The following ABCA9 variants were observed in gnomAD, a reference collection of about 807,000 sequenced individuals.
The protein encoded by ABCA9 is ATP binding cassette subfamily A member 9.
In ABCA9, 183 loss-of-function variants were observed where a neutral mutation model predicts 205.3. The observed-to-expected ratio is 0.89, with a 90% CI of 0.79 to 1.01. ABCA9 has a LOEUF of 1.01. Ranked by LOEUF, ABCA9 falls within the 50% of genes least tolerant of loss-of-function variation. The pLI is 0.00. For synonymous variants in ABCA9, 651 were observed against 683.3 expected (o/e 0.95, Z 0.74); for missense variants, 1,805 against 1,912.4 (o/e 0.94, Z 1.05).
chr17:69,044,322 T>A (rs529359482), intron 5 of ABCA9, among the ~76,000 whole-genome samples, 175 bp downstream of exon 5: 1 of 152,218 alleles, frequency 6.6e-6, no homozygotes, highest in Non-Finnish European at 1.5e-5. Context: ...AATGCCTGTG[T>A]TCTACTTATT....
intron 1 of ABCA9, among the ~76,000 whole-genome samples, chr17:69,055,811 G>A (rs1598419136): frequency 1.3e-5 from 2 of 152,124 alleles, no homozygotes; most frequent in Middle Eastern, 3.4e-3. Context: ...ATCATACAAT[G>A]CATGCTCTTG....
the ABCA9 span, among the ~76,000 whole-genome samples, chr17:69,073,342 T>C: frequency 6.6e-6 from 1 of 152,124 alleles, no homozygotes; most frequent in Non-Finnish European, 1.5e-5. Flanking sequence ...ATCGACCACA[T>C]AGTTGGAAGT....
chr17:68,978,813 A>C (rs2068958222), intron 37 of ABCA9, among the ~76,000 whole-genome samples: 1 of 152,172 alleles, frequency 6.6e-6, no homozygotes, highest in South Asian at 2.1e-4. Flanking sequence ...ATCTATGACA[A>C]ACCCACAGCC....
Position 69,051,033 on chromosome 17 carries a change from A to T in ABCA9, c.94T>A (p.Leu32Met), listed in dbSNP as rs769651145. The T allele has an allele frequency of 6.2e-7, 1 of 1,613,502 alleles. No homozygotes were observed. The highest frequency in any genetic ancestry group is 8.5e-7 in the Non-Finnish European group (1 of 1,179,674). The stretch of plus-strand genomic sequence containing the variant: ...AACACATAGACTCTGAAGCATACCA[A>T]CAAGGTCTGTCTTTTCATTCTCCAT... ...KKWRMKRQTL[L>M]EWLFSFLLVL... The change falls in exon 2 of 39, where the codon TTG becomes ATG. Residue 32 changes from leucine to methionine, a missense_variant and splice_region_variant. Coordinates refer to ENST00000340001, the MANE Select transcript of ABCA9 (RefSeq NM_080283.4).
chr17:69,017,772 A>G lies in ABCA9; in HGVS notation c.2785T>C (p.Phe929Leu), dbSNP rs143651746. 2,485 of 1,613,212 alleles carry G rather than the reference A, an allele frequency of 1.5e-3. 3 individuals carry two copies. The highest frequency in any genetic ancestry group is 2.0e-3 in the Non-Finnish European group (2,324 of 1,179,364). The change falls in exon 21 of 39, where the codon TTT becomes CTT. Residue 929 changes from phenylalanine to leucine, a missense_variant. Physicochemically the swap from Phe to Leu is conservative, Grantham distance 22. Transcript: ENST00000340001. The stretch of plus-strand genomic sequence containing the variant: ...TTCTGTCGCCTCAGTGAATGTAAAA[A>G]GTTATCAATGGTTGACCCTACATGA... ...INKTGSTIDN[F>L]LHSLRRQNIA...
chr17:69,052,182 G>T lies in ABCA9; in HGVS notation c.-13-1043C>A. 1.3e-5 allele frequency among the ~76,000 whole-genome samples: 2 copies of T among 152,056 alleles called. 1 individual carries two copies. Among genetic ancestry groups the T allele is most frequent in the South Asian group, 4.1e-4 (2 of 4,822 alleles). ...AGCCAGGAGTTAGAGACTGGCCTGG[G>T]CAACAAAGTGAGACCCCATCTCTAT... On this transcript the variant is annotated intron_variant, in intron 1 of 38. Transcript: ENST00000340001.
At position 69,021,717 on chromosome 17, in the gene ABCA9, CTTTCT is replaced by C. The variant is rs2070815358; in HGVS notation, c.2401+20_2401+24del. On this transcript the variant is annotated intron_variant, in intron 18 of 38. Coordinates refer to ENST00000340001, the MANE Select transcript of ABCA9 (RefSeq NM_080283.4). Reference sequence around the variant, plus strand: ...CCTTCCTTTCTTTCTTTCTCCCTTTCTTTCTCTTTCTTATTTTTTCTTACCTGATT... The same window carrying C: ...CCTTCCTTTCTTTCTTTCTCCCTTTCCTTTCTTATTTTTTCTTACCTGATT... The C allele has an allele frequency of 7.1e-7, 1 of 1,415,748 alleles. No individual in the cohort carries two copies. The highest frequency in any genetic ancestry group is 1.4e-5 in the African/African-American group (1 of 69,634). 87.7% of individuals were successfully genotyped at this position (1,415,748 alleles called of 1,614,324 possible).
In ABCA9 at chr17:68,996,033, A is replaced by G. The variant is rs770331848; in HGVS notation, c.3436-19T>C. The G allele has an allele frequency of 6.2e-7, 1 of 1,609,458 alleles. No individual in the cohort carries two copies. Among genetic ancestry groups the G allele is most frequent in the African/African-American group, 1.3e-5 (1 of 74,792 alleles). ...TGACCACCTAAAACAAATGCACAGT[A>G]TAGCGTCATTAAAGTGTACCAATCT... is the stretch of plus-strand genomic sequence containing the variant. On this transcript the variant is annotated intron_variant, in intron 25 of 38. Transcript: ENST00000340001.
In ABCA9 at chr17:68,978,585, T is replaced by C. The variant is rs531438071; in HGVS notation, c.4721-2395A>G. 7.2e-5 allele frequency among the ~76,000 whole-genome samples: 11 copies of C among 152,342 alleles called. No individual in the cohort carries two copies. The East Asian group carries it at 2.1e-3, about 29-fold the overall frequency. ...CCTCAATGGTCTTTACAATTAGGCA[T>C]GTTTTTGCAGTGGCTGGTACCGGTT... is the stretch of plus-strand genomic sequence containing the variant. On this transcript the variant is annotated intron_variant, in intron 37 of 38. Coordinates refer to ENST00000340001, the MANE Select transcript of ABCA9 (RefSeq NM_080283.4).
At chr17:68,993,277 G>T (rs145916313) in intron 26 of ABCA9, among the ~76,000 whole-genome samples, 193 bp from the exon 27 acceptor site, 124 of 152,300 alleles carry the variant, frequency 8.1e-4, no homozygotes, top group African/African-American at 2.8e-3. Context: ...TCTCTAGGCC[G>T]GGATGCCTTT....
chr17:68,990,793 G>T (rs1360508565), intron 29 of ABCA9, 44 bp downstream of exon 29: 2 of 1,593,548 alleles, frequency 1.3e-6, no homozygotes, highest in Admixed American at 1.9e-5. Context: ...CACTTTATCT[G>T]TCAGAAAAAA....
chr17:69,072,898 G>A, the ABCA9 span, among the ~76,000 whole-genome samples: 1 of 152,162 alleles, frequency 6.6e-6, no homozygotes, highest in African/African-American at 2.4e-5. Context: ...ATGAAGGGAT[G>A]GAGGAATATT....
rs1290470280 is a variant in ABCA9, at chr17:69,020,489, C to T, written c.2499G>A (p.Arg833=). 1 of 1,613,980 alleles carries T rather than the reference C, an allele frequency of 6.2e-7. No individual in the cohort carries two copies. Among genetic ancestry groups the T allele is most frequent in the Admixed American group, 1.7e-5 (1 of 59,988 alleles). The change falls in exon 19 of 39, where the codon AGG becomes AGA. Residue 833 remains arginine, a synonymous_variant. Coordinates refer to ENST00000340001, the MANE Select transcript of ABCA9 (RefSeq NM_080283.4). The part of the protein sequence containing the change: ...EQVLSSFHET[R]KTISGVALWR... Reference sequence around the variant, plus strand: ...AGAGCGCCACGCCACTGATTGTTTTCCTTGTTTCGTGGAAGGAAGACAAAA... The same window carrying T: ...AGAGCGCCACGCCACTGATTGTTTTTCTTGTTTCGTGGAAGGAAGACAAAA...
In ABCA9 at chr17:68,986,123, A is replaced by G. The variant is rs775130480; in HGVS notation, c.4208+41T>C. ...TTTGTGTGTATGTTATTAATACAAC[A>G]TCCCCTCCAGCAAAGGGGAGTGCCC... On this transcript the variant is annotated intron_variant, in intron 32 of 38. Transcript: ENST00000340001. 4 of 1,557,726 alleles carry G rather than the reference A, an allele frequency of 2.6e-6. No homozygotes were observed. The Admixed American group carries it at 5.7e-5, about 22-fold the overall frequency.
At chr17:69,006,561 A>AT (rs1430171233) in intron 25 of ABCA9, among the ~76,000 whole-genome samples, 11 of 152,306 alleles carry the variant, frequency 7.2e-5, no homozygotes, top group Admixed American at 2.0e-4. Flanking sequence ...ACATGATTCC[A>AT]TTTTTATTAA....
chr17:69,017,824 G>T, intron 20 of ABCA9, 35 bp from the exon 21 acceptor site: 2 of 1,597,150 alleles, frequency 1.3e-6, no homozygotes, highest in Non-Finnish European at 1.7e-6. Context: ...AAGCAAAAAT[G>T]AAATAAAACA....
rs575597499 is a variant in ABCA9 at position 69,028,717 on chromosome 17, T to G, written c.1505-72A>C. The G allele has an allele frequency of 6.9e-6, 6 of 872,112 alleles. No homozygotes were observed. The South Asian group carries it at 1.0e-4, about 15-fold the overall frequency. 54.0% of individuals were successfully genotyped at this position (872,112 alleles called of 1,614,324 possible). A position where few individuals can be genotyped will look rare whatever the true frequency, so the allele number is the denominator to read the frequency against. On this transcript the variant is annotated intron_variant, in intron 11 of 38. Coordinates refer to ENST00000340001, the MANE Select transcript of ABCA9 (RefSeq NM_080283.4). ...TTTACAGTCTCTGAAACTGTTGTAA[T>G]TTTTTGCAGCATGAATAGATTGAGC... is the stretch of plus-strand genomic sequence containing the variant.
rs948761104 is a variant in ABCA9 at position 69,060,784 on chromosome 17, C to T, written c.-14+82G>A. The T allele has an allele frequency of 3.4e-6, 3 of 891,618 alleles. No individual in the cohort carries two copies. The African/African-American group carries it at 5.4e-5, about 16-fold the overall frequency. 55.2% of individuals were successfully genotyped at this position (891,618 alleles called of 1,614,324 possible). ...AACTTACTGCTTTTAATGGTTTCTA[C>T]CTAAACGTCTGGCATGCCTATTTAT... On this transcript the variant is annotated intron_variant, in intron 1 of 38. Transcript: ENST00000340001.
upstream of ABCA9, among the ~76,000 whole-genome samples, chr17:69,062,811 C>T (rs578118536): frequency 1.8e-4 from 28 of 152,254 alleles, no homozygotes; most frequent in East Asian, 5.4e-3. Flanking sequence ...CTGCGCCCGA[C>T]GTATTTACTC....
Sources: gnomAD v4.1 joint callset for allele counts (sites outside exome capture counted in the v4.1 genomes callset) on GRCh38, gnomAD v4.1.1 for gene constraint, MANE v1.5 for transcripts, NCBI Gene and HGNC (gene_info 2026-07-23, HGNC 2026-07-21) for gene names.